Variants in FRMD6 observed in about 807,000 individuals in gnomAD.
The protein encoded by FRMD6 is FERM domain-containing protein 6.
In FRMD6, 37 loss-of-function variants were observed where a neutral mutation model predicts 73.2. The ratio of observed to expected loss-of-function variants is 0.51; its 90% CI spans 0.39 to 0.66. The LOEUF (loss-of-function observed/expected upper bound fraction) is 0.66. FRMD6 is among the 30% of genes least tolerant of loss of function. The probability of loss-of-function intolerance (pLI) is 0.00; values close to 1 mark genes in which losing one functional copy is unlikely to be tolerated. For missense variants in FRMD6, 714 were observed against 780.5 expected, an observed-to-expected ratio of 0.91 and a Z score of 1.02; for synonymous variants, 273 against 282.2, an observed-to-expected ratio of 0.97 and a Z score of 0.33.
the FRMD6 span, among the ~76,000 whole-genome samples, chr14:51,406,915 CTTG>C: frequency 1.3e-5 from 2 of 151,988 alleles, no homozygotes; most frequent in African/African-American, 4.8e-5. Flanking sequence ...TTTAGAACAC[CTTG>C]TTGTTGGTGT....
chr14:51,725,268 T>C (rs1329145760), intron 12 of FRMD6, among the ~76,000 whole-genome samples: 1 of 152,196 alleles, frequency 6.6e-6, no homozygotes, highest in Non-Finnish European at 1.5e-5. Flanking sequence ...CCAGGACACA[T>C]GGCTAATTAG....
the FRMD6 span, among the ~76,000 whole-genome samples, chr14:51,455,052 TGA>T: frequency 2.1e-4 from 32 of 150,418 alleles, no homozygotes; most frequent in South Asian, 1.5e-3. Context: ...GGTAGTCTGT[TGA>T]GAGAGAGAGA....
intron 11 of FRMD6, among the ~76,000 whole-genome samples, chr14:51,720,879 A>G (rs933658768): frequency 2.6e-5 from 4 of 152,164 alleles, no homozygotes; most frequent in African/African-American, 9.7e-5. Flanking sequence ...GAAATATAGC[A>G]CCTGGTTGAT....
chr14:51,586,734 C>CTTATTATTATTA (rs141367143), intron 2 of FRMD6, among the ~76,000 whole-genome samples: 1 of 150,590 alleles, frequency 6.6e-6, no homozygotes, highest in Non-Finnish European at 1.5e-5. Context: ...TTTACTTTAT[C>CTTATTATTATTA]TTATTATTAT....
At chr14:51,523,272 T>A (rs1885045729) in intron 1 of FRMD6, among the ~76,000 whole-genome samples, 1 of 152,316 alleles carries the variant, frequency 6.6e-6, no homozygotes, top group Admixed American at 6.5e-5. Flanking sequence ...GCTTCTAAGC[T>A]CTTCTGAACA....
chr14:51,544,595 T>A (rs1012695502), intron 1 of FRMD6, among the ~76,000 whole-genome samples: 4 of 152,012 alleles, frequency 2.6e-5, no homozygotes, highest in African/African-American at 9.7e-5. Flanking sequence ...TGCCTTGAAT[T>A]CTCCAAAGTG....
At position 51,599,058 on chromosome 14, in the gene FRMD6, C is replaced by CTTTTCTTTTTTTT. The variant is rs1158794443; in HGVS notation, c.-147+28652_-147+28653insCTTTTTTTTTTTT. Among the ~76,000 whole-genome samples the CTTTTCTTTTTTTT allele has an allele frequency of 4.8e-4, 35 of 72,820 alleles. 2 individuals carry two copies. The highest frequency in any genetic ancestry group is 1.5e-3 in the East Asian group (3 of 2,064). 47.8% of individuals were successfully genotyped at this position (72,820 alleles called of 152,430 possible). A position where few individuals can be genotyped will look rare whatever the true frequency, so the allele number is the denominator to read the frequency against. On this transcript the variant is annotated intron_variant, in intron 2 of 14. Coordinates refer to the FRMD6 transcript ENST00000356218. ...TCTCAGCAGCCTTGCCAGTATCTGT[C>CTTTTCTTTTTTTT]TTTTTTTTTTTTTTTTTTTTTTTTT...
chr14:51,711,642 G>GT, intron 8 of FRMD6, 46 bp downstream of exon 8: 1 of 1,368,204 alleles, frequency 7.3e-7, no homozygotes, highest in Non-Finnish European at 1.0e-6. Context: ...CATGTCTTCT[G>GT]TTTACAGCAT....
intron 1 of FRMD6, chr14:51,565,090 C>T (rs754049901): frequency 6.6e-5 from 10 of 152,148 alleles, no homozygotes; most frequent in South Asian, 2.1e-4. Context: ...AAACCCAGAC[C>T]GGGTTTGGCT....
intron 1 of FRMD6, among the ~76,000 whole-genome samples, chr14:51,525,070 A>AATAGATAGATGACAG (rs141984847): frequency 2.0e-5 from 2 of 101,982 alleles, no homozygotes; most frequent in African/African-American, 8.0e-5. Flanking sequence ...AGACAAATAG[A>AATAGATAGATGACAG]ATAGATAGAT....
intron 1 of FRMD6, among the ~76,000 whole-genome samples, chr14:51,689,394 C>T (rs1895390912): frequency 6.6e-6 from 1 of 152,224 alleles, no homozygotes; most frequent in South Asian, 2.1e-4. Flanking sequence ...CTGAAAACTC[C>T]TCCAAGACAG....
chr14:51,560,290 G>T (rs779939132), intron 1 of FRMD6, among the ~76,000 whole-genome samples: 1 of 152,012 alleles, frequency 6.6e-6, no homozygotes, highest in African/African-American at 2.4e-5. Flanking sequence ...TGAAAAATTC[G>T]TAAAATAAAA....
intron 2 of FRMD6, among the ~76,000 whole-genome samples, chr14:51,592,912 A>T (rs919094235): frequency 6.6e-6 from 1 of 152,222 alleles, no homozygotes; most frequent in Non-Finnish European, 1.5e-5. Flanking sequence ...ATGAAGTGCA[A>T]TGAAAGACAA....
chr14:51,452,422 T>G, the FRMD6 span, among the ~76,000 whole-genome samples: 1 of 152,188 alleles, frequency 6.6e-6, no homozygotes, highest in African/African-American at 2.4e-5. Context: ...TAGTGATGGT[T>G]TTCAAACTAA....
intron 1 of FRMD6, among the ~76,000 whole-genome samples, chr14:51,513,519 A>C (rs1244297452): frequency 1.3e-5 from 2 of 152,186 alleles, no homozygotes; most frequent in African/African-American, 2.4e-5. Context: ...TTGGCTTTAC[A>C]GTTCAAAGTC....
chr14:51,652,953 C>T (rs1892535392), intron 1 of FRMD6, among the ~76,000 whole-genome samples: 1 of 152,232 alleles, frequency 6.6e-6, no homozygotes, highest in African/African-American at 2.4e-5. Context: ...TGAAAGCTGG[C>T]AGATTTTCAG....
At chr14:51,639,445 A>AT (rs1891726433) in intron 2 of FRMD6, among the ~76,000 whole-genome samples, 7 of 147,590 alleles carry the variant, frequency 4.7e-5, no homozygotes, top group Admixed American at 4.0e-4. Context: ...AAAAAAAAAA[A>AT]ATAATTATTA....
At chr14:51,414,233 C>T in the FRMD6 span, among the ~76,000 whole-genome samples, 257 of 152,288 alleles carry the variant, frequency 1.7e-3, 2 homozygotes, top group Non-Finnish European at 3.1e-3. Flanking sequence ...TTGCTCATGC[C>T]TATGTCCTGA....
the FRMD6 span, among the ~76,000 whole-genome samples, chr14:51,428,881 GAAGA>G: frequency 1.8e-4 from 27 of 151,380 alleles, no homozygotes; most frequent in East Asian, 4.9e-3. Context: ...TGCCATATGT[GAAGA>G]CTATGAAGAT....
Sources: allele counts gnomAD v4.1 joint callset (sites outside exome capture counted in the v4.1 genomes callset), GRCh38; gene constraint gnomAD v4.1.1; transcripts MANE v1.5; gene names NCBI Gene and HGNC (gene_info 2026-07-23, HGNC 2026-07-21).